TTC3: variants seen among roughly 807,000 people sequenced by gnomAD.
The protein encoded by TTC3 is E3 ubiquitin-protein ligase TTC3.
TTC3 carries 180 observed loss-of-function variants against 249.6 expected under a neutral mutation model. The ratio of observed to expected loss-of-function variants is 0.72; its 90% CI spans 0.64 to 0.82. TTC3 has a LOEUF of 0.82. Ranked by LOEUF, TTC3 falls within the 40% of genes least tolerant of loss-of-function variation. The pLI is 0.00. For missense variants in TTC3, 2,061 were observed against 2,398.4 expected (o/e 0.86, Z 2.94); for synonymous variants, 717 against 805.0 (o/e 0.89, Z 1.85).
Position 37,164,349 on chromosome 21 carries a change from T to G in TTC3, c.3335+134T>G, listed in dbSNP as rs1033266219. The G allele has an allele frequency of 2.3e-5, 21 of 930,942 alleles. No individual in the cohort carries two copies. The South Asian group carries it at 4.2e-4, about 18-fold the overall frequency. The allele number at this position is 930,942 out of a possible 1,614,324, so 57.7% of individuals were successfully genotyped here. Reference sequence around the variant, plus strand: ...ACAAAGTTAATTTAGGATTTTTTTTTTTTTTTTGAGACAGAGTCTTGCTGT... The same window carrying G: ...ACAAAGTTAATTTAGGATTTTTTTTGTTTTTTTGAGACAGAGTCTTGCTGT... On this transcript the variant is annotated intron_variant, in intron 32 of 45. Transcript: ENST00000355666.
At chr21:37,158,254 G>C (rs768086332) in intron 28 of TTC3, 58 of 968,960 alleles carry the variant, frequency 6.0e-5, no homozygotes, top group Non-Finnish European at 7.0e-5. Flanking sequence ...ATGCATGTTT[G>C]GATCACAAAA....
At chr21:37,180,425 C>T (rs569208893) in intron 35 of TTC3, among the ~76,000 whole-genome samples, 2 of 150,998 alleles carry the variant, frequency 1.3e-5, no homozygotes, top group South Asian at 2.1e-4. Flanking sequence ...GAATACTATG[C>T]AGCCATAAAA....
intron 6 of TTC3, 180 bp downstream of exon 6, chr21:37,090,466 T>C: frequency 1.5e-6 from 1 of 645,164 alleles, no homozygotes; most frequent in Non-Finnish European, 1.9e-6. Context: ...TCATTTTCTC[T>C]CTTTTTTTTT....
At chr21:37,135,911 C>A (rs1328491966) in intron 18 of TTC3, among the ~76,000 whole-genome samples, 1 of 152,174 alleles carries the variant, frequency 6.6e-6, no homozygotes, top group Non-Finnish European at 1.5e-5. Flanking sequence ...CTGTGTCAAG[C>A]AAGTCTGTTT....
At chr21:37,172,500 C>T (rs775545124) in intron 34 of TTC3, 95 bp from the exon 35 acceptor site, 16 of 1,351,248 alleles carry the variant, frequency 1.2e-5, no homozygotes, top group South Asian at 6.4e-5. Context: ...CTGCTTTTTA[C>T]TCTCCTTTGT....
At chr21:37,157,288 T>C (rs1034463152) in intron 28 of TTC3, 2 of 904,926 alleles carry the variant, frequency 2.2e-6, no homozygotes, top group African/African-American at 1.7e-5. Context: ...GAATCTAGAA[T>C]GGATAGCATT....
intron 1 of TTC3, among the ~76,000 whole-genome samples, chr21:37,077,339 A>G (rs2071035567): frequency 6.6e-6 from 1 of 152,194 alleles, no homozygotes; most frequent in South Asian, 2.1e-4. Flanking sequence ...AAAAAGGTTG[A>G]AATACCACCA....
intron 6 of TTC3, 123 bp from the exon 7 acceptor site, chr21:37,091,170 T>A: frequency 1.0e-6 from 1 of 999,920 alleles, no homozygotes; most frequent in Non-Finnish European, 1.5e-6. Context: ...TAGCAAAAAA[T>A]AAGTGGTTGT....
intron 1 of TTC3, among the ~76,000 whole-genome samples, chr21:37,079,476 T>A (rs1460347868): frequency 6.6e-6 from 1 of 151,172 alleles, no homozygotes; most frequent in Non-Finnish European, 1.5e-5. Flanking sequence ...TCAGTTTTGG[T>A]AAGTTTTAGA....
At chr21:37,153,218 G>A (rs2079649745) in exon 27 of TTC3, 4 of 1,614,136 alleles carry the variant, frequency 2.5e-6, no homozygotes, top group Non-Finnish European at 3.4e-6. Flanking sequence ...CATGTTTTGA[G>A]TGAGCTTAAA....
chr21:37,076,649 T>A (rs928386821), intron 1 of TTC3, among the ~76,000 whole-genome samples: 6 of 151,160 alleles, frequency 4.0e-5, no homozygotes, highest in Non-Finnish European at 7.4e-5. Flanking sequence ...AATCTTACTA[T>A]GGCATTGCCC....
At chr21:37,157,464 T>A (rs2080215351) in intron 28 of TTC3, among the ~76,000 whole-genome samples, 1 of 152,200 alleles carries the variant, frequency 6.6e-6, no homozygotes, top group African/African-American at 2.4e-5. Context: ...GAGGACCTTG[T>A]GTTCTAGAAA....
chr21:37,189,948 T>C (rs1324747092), intron 39 of TTC3, among the ~76,000 whole-genome samples: 1 of 151,944 alleles, frequency 6.6e-6, no homozygotes, highest in Non-Finnish European at 1.5e-5. Flanking sequence ...TTAGCACTTC[T>C]CTATGTGGGA....
intron 10 of TTC3, among the ~76,000 whole-genome samples, chr21:37,103,836 A>G (rs2074773955): frequency 6.6e-6 from 1 of 151,946 alleles, no homozygotes; most frequent in East Asian, 2.0e-4. Context: ...AGAGGGTAGT[A>G]TGTTCATAGG....
intron 40 of TTC3, 33 bp downstream of exon 40, chr21:37,191,457 A>G: frequency 7.3e-7 from 1 of 1,372,372 alleles, no homozygotes; most frequent in Non-Finnish European, 9.9e-7. Context: ...TCCCATCAAA[A>G]TCTTTATGAT....
intron 10 of TTC3, among the ~76,000 whole-genome samples, chr21:37,100,634 G>A (rs1297194677): frequency 6.6e-6 from 1 of 152,190 alleles, no homozygotes; most frequent in Non-Finnish European, 1.5e-5. Flanking sequence ...CTGGGCCTGC[G>A]AATGTTGCGC....
intron 28 of TTC3, among the ~76,000 whole-genome samples, chr21:37,157,762 C>G (rs535463185): frequency 3.3e-5 from 5 of 152,280 alleles, no homozygotes; most frequent in African/African-American, 1.2e-4. Flanking sequence ...CTTCTTTTCT[C>G]TTAGATCTTA....
At chr21:37,125,193 G>T (rs372664821) in intron 14 of TTC3, among the ~76,000 whole-genome samples, 2 of 152,164 alleles carry the variant, frequency 1.3e-5, no homozygotes, top group Non-Finnish European at 2.9e-5. Context: ...ACCTCAGCCT[G>T]CCTTAGCAGC....
At chr21:37,095,492 G>C in intron 9 of TTC3, 48 bp downstream of exon 9, 1 of 1,208,156 alleles carries the variant, frequency 8.3e-7, no homozygotes, top group Non-Finnish European at 1.2e-6. Flanking sequence ...GGCACATCAA[G>C]TTAGAATGGT....
Sources: allele counts gnomAD v4.1 joint callset (sites outside exome capture counted in the v4.1 genomes callset), GRCh38; gene constraint gnomAD v4.1.1; transcripts MANE v1.5; gene names NCBI Gene and HGNC (gene_info 2026-07-23, HGNC 2026-07-21).